Variants in MAT2B observed in about 807,000 individuals in gnomAD.
The protein encoded by MAT2B is methionine adenosyltransferase 2 non-catalytic beta subunit, also known as methionine adenosyltransferase 2 subunit beta.
MAT2B carries 16 observed loss-of-function variants against 36.1 expected under a neutral mutation model. The ratio of observed to expected loss-of-function variants is 0.44; its 90% CI spans 0.30 to 0.67. The LOEUF is 0.67. Among genes scored for constraint, MAT2B ranks in the 30% least tolerant of loss-of-function variants. The pLI is 0.09. For missense variants in MAT2B, 332 were observed against 398.2 expected (o/e 0.83, Z 1.42); for synonymous variants, 148 against 136.9 (o/e 1.08, Z -0.57).
chr5:163,513,768 G>A (rs1760087820), intron 3 of MAT2B, 74 bp from the exon 4 acceptor site: 2 of 1,523,982 alleles, frequency 1.3e-6, no homozygotes. Context: ...TATATATCAT[G>A]AAAAACCATT....
chr5:163,512,562 A>G (rs1760062606), intron 2 of MAT2B: 1 of 385,850 alleles, frequency 2.6e-6, no homozygotes, highest in Non-Finnish European at 4.9e-6. Context: ...TATCATTGAT[A>G]CTATTCTCCC....
At chr5:163,515,290 G>T (rs1760113990) in intron 4 of MAT2B, among the ~76,000 whole-genome samples, 1 of 152,134 alleles carries the variant, frequency 6.6e-6, no homozygotes, top group Admixed American at 6.5e-5. Flanking sequence ...CATCAGCAGG[G>T]ACCATTATAA....
upstream of MAT2B, among the ~76,000 whole-genome samples, chr5:163,504,361 C>A (rs1440329079): frequency 6.6e-6 from 1 of 151,792 alleles, no homozygotes; most frequent in African/African-American, 2.4e-5. Context: ...TAAGAAACCT[C>A]AGGCTGTCTT....
At chr5:163,511,900 T>TA in intron 1 of MAT2B, 102 bp from the exon 2 acceptor site, 1 of 873,086 alleles carries the variant, frequency 1.1e-6, no homozygotes, top group Non-Finnish European at 1.8e-6. Context: ...TGAGTCAAAA[T>TA]ACGTAGAATT....
intron 5 of MAT2B, 43 bp downstream of exon 5, chr5:163,516,754 T>C (rs1208483325): frequency 6.2e-7 from 1 of 1,603,908 alleles, no homozygotes; most frequent in Non-Finnish European, 8.5e-7. Context: ...AGGTCCGCTT[T>C]GTCTTTTCCA....
chr5:163,515,774 T>TTTTC (rs1760122245), intron 4 of MAT2B, among the ~76,000 whole-genome samples: 1 of 107,088 alleles, frequency 9.3e-6, no homozygotes, highest in Non-Finnish European at 1.9e-5. Context: ...CTTTTTCTTT[T>TTTTC]TTTTTTTTTT....
intron 2 of MAT2B, 29 bp downstream of exon 2, chr5:163,512,225 A>G (rs151289006): frequency 3.3e-6 from 5 of 1,531,144 alleles, no homozygotes; most frequent in African/African-American, 2.7e-5. Flanking sequence ...TAAGATATAC[A>G]TGAACAATAT....
intron 4 of MAT2B, among the ~76,000 whole-genome samples, chr5:163,515,931 C>T (rs1459665246): frequency 6.6e-6 from 1 of 151,972 alleles, no homozygotes; most frequent in African/African-American, 2.4e-5. Flanking sequence ...GACGAGGTCT[C>T]ACTGTGTTGT....
chr5:163,512,671 GA>G (rs1407939383), intron 2 of MAT2B: 2 of 451,188 alleles, frequency 4.4e-6, no homozygotes. Flanking sequence ...TTTTGATTTA[GA>G]AAGACTTCTG....
chr5:163,509,603 G>A (rs1243342330), intron 1 of MAT2B, among the ~76,000 whole-genome samples: 7 of 152,242 alleles, frequency 4.6e-5, no homozygotes, highest in African/African-American at 1.2e-4. Flanking sequence ...CTTTGCTTCC[G>A]TAGAGTGAAG....
At chr5:163,506,106 A>T (rs1367858776) in intron 1 of MAT2B, among the ~76,000 whole-genome samples, 1 of 152,198 alleles carries the variant, frequency 6.6e-6, no homozygotes, top group African/African-American at 2.4e-5. Flanking sequence ...TCTCGATCTT[A>T]CAAGTTCGTA....
intron 1 of MAT2B, among the ~76,000 whole-genome samples, chr5:163,509,061 C>T (rs1759994395): frequency 6.6e-6 from 1 of 152,122 alleles, no homozygotes; most frequent in South Asian, 2.1e-4. Flanking sequence ...CTTAATACTG[C>T]ATCAACTCCA....
At chr5:163,516,895 CTTCTGTTT>C in intron 5 of MAT2B, 184 bp downstream of exon 5, 1 of 613,664 alleles carries the variant, frequency 1.6e-6, no homozygotes, top group Admixed American at 2.9e-5. Context: ...ATATTATGCT[CTTCTGTTT>C]GAATTTATTT....
At chr5:163,509,433 C>T (rs1284331773) in intron 1 of MAT2B, among the ~76,000 whole-genome samples, 2 of 152,260 alleles carry the variant, frequency 1.3e-5, no homozygotes, top group South Asian at 2.1e-4. Flanking sequence ...CCTCTAAGTG[C>T]GGTCTCCAAA....
At chr5:163,505,613 T>G (rs950572040), upstream of MAT2B, 1 of 1,249,372 alleles carries the variant, frequency 8.0e-7, no homozygotes, top group Non-Finnish European at 1.0e-6. Context: ...CGAGGGCGTC[T>G]GAGCTGAGGC....
chr5:163,516,394 T>C (rs889319468), intron 4 of MAT2B, 124 bp from the exon 5 acceptor site: 5 of 725,730 alleles, frequency 6.9e-6, no homozygotes, highest in East Asian at 5.4e-5. Flanking sequence ...CTGTGTCATT[T>C]TGGTATATTT....
chr5:163,516,556 G>T lies in MAT2B; in HGVS notation c.565G>T (p.Val189Phe). ...VLRIPILYGE[V>F]EKLEESAVTV... ...GAGGATTCCTATTCTGTATGGGGAA[G>T]TTGAAAAGCTCGAAGAAAGTGCTGT... Residue 189 changes from valine to phenylalanine, a missense_variant, in exon 5 of 7, where the codon GTT (valine) becomes TTT (phenylalanine). Transcript: ENST00000321757. The T allele has an allele frequency of 6.2e-7, 1 of 1,614,182 alleles. No homozygotes were observed.
At chr5:163,505,814 G>C (rs1360644839) in intron 1 of MAT2B, 65 bp downstream of exon 1, 3 of 1,216,180 alleles carry the variant, frequency 2.5e-6, no homozygotes, top group East Asian at 6.3e-5. Flanking sequence ...AGCCACCGGG[G>C]CTCGGGCGGC....
intron 4 of MAT2B, among the ~76,000 whole-genome samples, chr5:163,516,123 A>G (rs1046644170): frequency 4.6e-5 from 7 of 152,126 alleles, no homozygotes; most frequent in Non-Finnish European, 1.0e-4. Context: ...GCTCATTGCA[A>G]CCTTGAACTT....
Sources: gnomAD v4.1 joint callset for allele counts (sites outside exome capture counted in the v4.1 genomes callset) on GRCh38, gnomAD v4.1.1 for gene constraint, MANE v1.5 for transcripts, NCBI Gene and HGNC (gene_info 2026-07-23, HGNC 2026-07-21) for gene names.